The following FBXO22 variants were observed in gnomAD, a reference collection of about 807,000 sequenced individuals.
FBXO22 encodes the protein F-box only protein 22.
FBXO22 carries 13 observed loss-of-function variants against 37.2 expected under a neutral mutation model. The ratio of observed to expected loss-of-function variants is 0.35; its 90% confidence interval spans 0.23 to 0.56. FBXO22 has a LOEUF of 0.56. FBXO22 is among the 20% of genes least tolerant of loss of function. The pLI, the probability that FBXO22 is intolerant of heterozygous loss-of-function variation, is 0.87. For missense variants in FBXO22, 446 were observed against 509.9 expected (o/e 0.87, Z 1.21); for synonymous variants, 189 against 189.1 (o/e 1.00, Z 0.00).
At chr15:75,915,813 T>C (rs1244941624) in intron 4 of FBXO22, among the ~76,000 whole-genome samples, 1 of 151,794 alleles carries the variant, frequency 6.6e-6, no homozygotes, top group East Asian at 1.9e-4. Flanking sequence ...GGCAGGAGAA[T>C]TGCTTGAGCC....
chr15:75,914,290 C>A, intron 4 of FBXO22, 85 bp downstream of exon 4: 1 of 876,634 alleles, frequency 1.1e-6, no homozygotes, highest in Non-Finnish European at 1.8e-6. Flanking sequence ...AGCTTAGAAC[C>A]ACATTTCTAT....
intron 5 of FBXO22, among the ~76,000 whole-genome samples, chr15:75,920,484 A>G (rs1391943494): frequency 6.6e-6 from 1 of 152,174 alleles, no homozygotes; most frequent in African/African-American, 2.4e-5. Context: ...TGTTGACGAG[A>G]TGACTATCTA....
chr15:75,940,293 A>C lies in FBXO22; in HGVS notation c.*7191A>C, dbSNP rs1387619651. 1.3e-5 allele frequency: 2 copies of C among 152,122 alleles called. No homozygotes were observed. The highest frequency in any genetic ancestry group is 2.9e-5 in the Non-Finnish European group (2 of 67,962). 9.4% of individuals were successfully genotyped at this position (152,122 alleles called of 1,614,324 possible). On this transcript the variant is annotated 3_prime_UTR_variant, in exon 7 of 7. Coordinates refer to ENST00000308275, the MANE Select transcript of FBXO22 (RefSeq NM_147188.3). ...CAGAAATTAGCTTACCCAAGGTGGT[A>C]AATGGCTTGTACAATGAAAACTACA...
intron 5 of FBXO22, among the ~76,000 whole-genome samples, chr15:75,919,588 A>G (rs1900273514): frequency 6.6e-6 from 1 of 152,208 alleles, no homozygotes; most frequent in African/African-American, 2.4e-5. Context: ...GGAAATAACT[A>G]ACATTGAATT....
chr15:75,930,871 T>C lies in FBXO22; in HGVS notation c.794+822T>C, dbSNP rs551006466. On this transcript the variant is annotated intron_variant, in intron 6 of 6. Coordinates refer to ENST00000308275, the MANE Select transcript of FBXO22 (RefSeq NM_147188.3). ...ATGGGGACAGACTGTTGCAGATCAG[T>C]ATCTATAAGAATAATGTAAGTCATC... is the stretch of plus-strand genomic sequence containing the variant. 2.5e-5 allele frequency: 25 copies of C among 980,440 alleles called. No homozygotes were observed. In the South Asian group the frequency reaches 9.9e-4, roughly 39 times the overall value. 60.7% of individuals were successfully genotyped at this position (980,440 alleles called of 1,614,324 possible). A position where few individuals can be genotyped will look rare whatever the true frequency, so the allele number is the denominator to read the frequency against.
intron 1 of FBXO22, 43 bp downstream of exon 1, chr15:75,904,146 GCCGT>G: frequency 6.6e-7 from 1 of 1,507,660 alleles, no homozygotes; most frequent in African/African-American, 1.4e-5. Context: ...CTGGGGACAC[GCCGT>G]GGGCATGTCC....
rs2030697232 is a variant in FBXO22, at chr15:75,939,293, AG to A, written c.*6192del. On this transcript the variant is annotated 3_prime_UTR_variant, in exon 7 of 7. Transcript: ENST00000308275. ...ATTCTAGAAAAATGAAAAGGGTTAT[AG>A]AAGAATACCTTCGACAATCTAGATG... 6.6e-6 allele frequency: 1 copy of A among 152,184 alleles called. No homozygotes were observed. The highest frequency in any genetic ancestry group is 1.5e-5 in the Non-Finnish European group (1 of 68,008). 9.4% of individuals were successfully genotyped at this position (152,184 alleles called of 1,614,324 possible).
In FBXO22 at chr15:75,904,584, C is replaced by A. The variant is rs774335782; in HGVS notation, c.234C>A (p.His78Gln). Residue 78 changes from histidine (H) to glutamine (Q), a missense_variant, in exon 2 of 7, where the codon CAC (histidine) becomes CAA (glutamine). His to Gln is a conservative substitution (Grantham distance 24). Transcript: ENST00000308275. ...WISAGLAEAG[H>Q]LEGHCLVRVV... is the part of the protein sequence containing the mutation. Reference sequence around the variant, plus strand: ...CCGCAGGCCTGGCGGAGGCCGGCCACCTGGAGGGGCATTGCTTGGTTCGCG... The same window carrying A: ...CCGCAGGCCTGGCGGAGGCCGGCCAACTGGAGGGGCATTGCTTGGTTCGCG... 7 of 1,613,290 alleles carry A rather than the reference C, an allele frequency of 4.3e-6. No individual in the cohort carries two copies. The South Asian group carries it at 7.7e-5, about 18-fold the overall frequency.
rs748564566 is a variant in FBXO22, at chr15:75,932,801, C to T, written c.911C>T (p.Ala304Val). The T allele has an allele frequency of 1.2e-6, 2 of 1,614,254 alleles. No individual in the cohort carries two copies. Among genetic ancestry groups the T allele is most frequent in the South Asian group, 1.1e-5 (1 of 91,090 alleles). ...EDVSDEKTAE[A>V]AMQRLKAANI... ...GTCAGTGATGAGAAGACTGCTGAGGCTGCGATGCAGCGCCTCAAAGCGGCC... is the reference window on the plus strand; with the variant it reads ...GTCAGTGATGAGAAGACTGCTGAGGTTGCGATGCAGCGCCTCAAAGCGGCC... Residue 304 changes from alanine (A) to valine (V), a missense_variant, in exon 7 of 7, where the codon GCT (alanine) becomes GTT (valine). Coordinates refer to ENST00000308275, the MANE Select transcript of FBXO22 (RefSeq NM_147188.3).
intron 6 of FBXO22, among the ~76,000 whole-genome samples, chr15:75,931,235 T>C (rs1302109649): frequency 6.6e-6 from 1 of 152,208 alleles, no homozygotes; most frequent in African/African-American, 2.4e-5. Flanking sequence ...AGTGTAGCTA[T>C]TTGTATATCA....
rs572561136 is a variant in FBXO22, at chr15:75,937,989, A to G, written c.*4887A>G. ...CAGTTACATATACAGGGGGGATTTAAAATGCGACATGCATGCCCAGGGAAA... is the reference window on the plus strand; with the variant it reads ...CAGTTACATATACAGGGGGGATTTAGAATGCGACATGCATGCCCAGGGAAA... On this transcript the variant is annotated 3_prime_UTR_variant, in exon 7 of 7. Coordinates refer to ENST00000308275, the MANE Select transcript of FBXO22 (RefSeq NM_147188.3). 9.2e-5 allele frequency: 14 copies of G among 152,362 alleles called. No homozygotes were observed. Among genetic ancestry groups the G allele is most frequent in the Admixed American group, 7.8e-4 (12 of 15,292 alleles). The allele number at this position is 152,362 out of a possible 1,614,324, so 9.4% of individuals were successfully genotyped here. A position where few individuals can be genotyped will look rare whatever the true frequency, so the allele number is the denominator to read the frequency against.
intron 2 of FBXO22, among the ~76,000 whole-genome samples, chr15:75,907,759 T>C (rs1444053431): frequency 6.8e-6 from 1 of 146,940 alleles, no homozygotes; most frequent in African/African-American, 2.7e-5. Flanking sequence ...TTTAAAAATA[T>C]CAAATATATA....
At position 75,917,287 on chromosome 15, in the gene FBXO22, G is replaced by C; in HGVS notation, c.521G>C (p.Gly174Ala). Reference sequence around the variant, plus strand: ...CAGGAAATAGAAATTGGAGAATCTGGTTTTGCTTTATTATTCCCTCAAATT... The same window carrying C: ...CAGGAAATAGAAATTGGAGAATCTGCTTTTGCTTTATTATTCCCTCAAATT... Reference protein sequence around the residue: ...RPQEIEIGESGFALLFPQIEG... With the variant: ...RPQEIEIGESAFALLFPQIEG... The change falls in exon 5 of 7, where the codon GGT (glycine) becomes GCT (alanine). Residue 174 changes from glycine (G) to alanine (A), a missense_variant. Transcript: ENST00000308275. 1.2e-6 allele frequency: 2 copies of C among 1,612,678 alleles called. No homozygotes were observed. Among genetic ancestry groups the C allele is most frequent in the Middle Eastern group, 1.7e-4 (1 of 6,056 alleles).
Position 75,904,054 on chromosome 15 carries a change from G to A in FBXO22, c.91G>A (p.Glu31Lys). The A allele has an allele frequency of 6.4e-7, 1 of 1,559,198 alleles. No homozygotes were observed. The change falls in exon 1 of 7, where the codon GAG (glutamate) becomes AAG (lysine). Residue 31 changes from glutamate to lysine, a missense_variant. By Grantham distance (56) the Glu-to-Lys change is moderately conservative. Around this residue, in one of 2 missense-constraint regions of FBXO22, gnomAD observed 131 missense variants for 99.8 expected, o/e 1.31. Transcript: ENST00000308275. ...FVLSNLAEVV[E>K]RVLTFLPAKA... ...GTTGAGTAACCTGGCGGAGGTGGTGGAGCGTGTGCTCACCTTCCTGCCCGC... is the reference window on the plus strand; with the variant it reads ...GTTGAGTAACCTGGCGGAGGTGGTGAAGCGTGTGCTCACCTTCCTGCCCGC...
chr15:75,915,460 A>T (rs10468061), intron 4 of FBXO22, among the ~76,000 whole-genome samples: 151,603 of 151,898 alleles, frequency 1, 75,655 homozygotes, highest in Middle Eastern at 1. Flanking sequence ...ACATTTTTTT[A>T]AAAAAAAGAG....
rs1040509654 is a variant in FBXO22 at position 75,941,270 on chromosome 15, TAAAA to T, written c.*8172_*8175del. 4.6e-5 allele frequency: 7 copies of T among 152,060 alleles called. No individual in the cohort carries two copies. Among genetic ancestry groups the T allele is most frequent in the African/African-American group, 9.7e-5 (4 of 41,426 alleles). 9.4% of individuals were successfully genotyped at this position (152,060 alleles called of 1,614,324 possible). On this transcript the variant is annotated 3_prime_UTR_variant, in exon 7 of 7. Coordinates refer to ENST00000308275, the MANE Select transcript of FBXO22 (RefSeq NM_147188.3). ...CCACTGGGATAGCTCTTATTAAAAT[TAAAA>T]AAACACACAAGTGTTGGCAAGGATG...
At chr15:75,929,788 G>C in intron 5 of FBXO22, 96 bp from the exon 6 acceptor site, 1 of 1,447,462 alleles carries the variant, frequency 6.9e-7, no homozygotes. Context: ...TGCCCTTAAG[G>C]TGGAGTGCAA....
intron 5 of FBXO22, among the ~76,000 whole-genome samples, chr15:75,926,258 C>T (rs144572221): frequency 2.0e-5 from 3 of 152,122 alleles, no homozygotes; most frequent in Admixed American, 6.5e-5. Context: ...TGGGGGGAAC[C>T]CAGAACCTTT....
In FBXO22 at chr15:75,936,817, C is replaced by A. The variant is rs1056749083; in HGVS notation, c.*3715C>A. 7 of 152,026 alleles carry A rather than the reference C, an allele frequency of 4.6e-5. No individual in the cohort carries two copies. Among genetic ancestry groups the A allele is most frequent in the Admixed American group, 6.6e-5 (1 of 15,258 alleles). 9.4% of individuals were successfully genotyped at this position (152,026 alleles called of 1,614,324 possible). A position where few individuals can be genotyped will look rare whatever the true frequency, so the allele number is the denominator to read the frequency against. On this transcript the variant is annotated 3_prime_UTR_variant, in exon 7 of 7. Coordinates refer to ENST00000308275, the MANE Select transcript of FBXO22 (RefSeq NM_147188.3). ...TCAGACTCCAACCTCAGGTGATCTG[C>A]CTGCCTCAGCCTCCCAAAGTGCTGG...
Sources: gnomAD v4.1 joint callset for allele counts (sites outside exome capture counted in the v4.1 genomes callset) on GRCh38, gnomAD v4.1.1 for gene constraint, gnomAD v4.1.1 regional missense constraint, MANE v1.5 for transcripts, NCBI Gene and HGNC (gene_info 2026-07-23, HGNC 2026-07-21) for gene names.